Variants in PAWR observed in about 807,000 individuals in gnomAD.
PAWR encodes PRKC apoptosis WT1 regulator protein.
PAWR carries 23 observed loss-of-function variants against 32.0 expected under a neutral mutation model. That is an observed-to-expected ratio of 0.72 (90% CI 0.52 to 1.02). The LOEUF is 1.02. Ranked by LOEUF, PAWR falls within the 50% of genes least tolerant of loss-of-function variation. PAWR has a pLI of 0.00. For synonymous variants in PAWR, 226 were observed against 187.1 expected, an observed-to-expected ratio of 1.21 and a Z score of -1.70; for missense variants, 457 against 437.7, an observed-to-expected ratio of 1.04 and a Z score of -0.39.
At chr12:79,610,669 T>C (rs188809709) in intron 4 of PAWR, among the ~76,000 whole-genome samples, 1 of 151,674 alleles carries the variant, frequency 6.6e-6, no homozygotes, top group African/African-American at 2.4e-5. Context: ...CTCATGCCTC[T>C]AATCTCAGTA....
chr12:79,606,097 A>C (rs1592495636), intron 4 of PAWR, among the ~76,000 whole-genome samples: 2 of 152,042 alleles, frequency 1.3e-5, no homozygotes, highest in Admixed American at 6.6e-5. Context: ...AAACAAAAAA[A>C]CCCAAGAAAG....
At chr12:79,658,982 A>G (rs941136284) in intron 2 of PAWR, among the ~76,000 whole-genome samples, 3 of 152,034 alleles carry the variant, frequency 2.0e-5, no homozygotes, top group South Asian at 2.1e-4. Context: ...TAAAAAAAAA[A>G]AAAAAAGAAA....
chr12:79,667,235 G>C (rs931855071), intron 2 of PAWR, among the ~76,000 whole-genome samples: 9 of 152,124 alleles, frequency 5.9e-5, no homozygotes, highest in Admixed American at 1.3e-4. Flanking sequence ...GTTGACAGCT[G>C]ATCTAGGCAA....
chr12:79,659,097 A>G (rs1000607999), intron 2 of PAWR, among the ~76,000 whole-genome samples: 3 of 152,144 alleles, frequency 2.0e-5, no homozygotes, highest in African/African-American at 4.8e-5. Flanking sequence ...GGAGATCAAC[A>G]CCATCCTGGC....
intron 3 of PAWR, among the ~76,000 whole-genome samples, chr12:79,618,349 G>C (rs1050901355): frequency 1.3e-5 from 2 of 152,164 alleles, no homozygotes; most frequent in African/African-American, 4.8e-5. Flanking sequence ...GGCTAGTCTT[G>C]AACTTCTGGC....
chr12:79,632,320 T>TAC lies in PAWR; in HGVS notation c.517-11114_517-11113insGT, dbSNP rs1317110748. Among the ~76,000 whole-genome samples the TAC allele has an allele frequency of 4.3e-4, 12 of 27,850 alleles. 1 individual carries two copies. Among genetic ancestry groups the TAC allele is most frequent in the African/African-American group, 1.3e-3 (2 of 1,512 alleles). 18.3% of individuals were successfully genotyped at this position (27,850 alleles called of 152,430 possible). ...ACATATATATATACATACATATATA[T>TAC]ATATATATATATATATATATATATA... On this transcript the variant is annotated intron_variant, in intron 2 of 6. Coordinates refer to ENST00000328827, the MANE Select transcript of PAWR (RefSeq NM_002583.4).
chr12:79,689,153 T>C (rs1374798945), intron 2 of PAWR, among the ~76,000 whole-genome samples: 2 of 152,212 alleles, frequency 1.3e-5, no homozygotes, highest in Non-Finnish European at 2.9e-5. Context: ...ACTGTGTGTT[T>C]AGGAGCACAA....
At chr12:79,657,983 G>A (rs1481395977) in intron 2 of PAWR, among the ~76,000 whole-genome samples, 1 of 152,120 alleles carries the variant, frequency 6.6e-6, no homozygotes, top group Non-Finnish European at 1.5e-5. Flanking sequence ...GATCCATAAT[G>A]TCAAACAAGA....
At chr12:79,646,609 C>T (rs1876587374) in intron 2 of PAWR, among the ~76,000 whole-genome samples, 1 of 152,012 alleles carries the variant, frequency 6.6e-6, no homozygotes, top group Admixed American at 6.5e-5. Context: ...CCATATCTCA[C>T]TATCAAAGAA....
chr12:79,598,547 T>C (rs1873845362), intron 4 of PAWR, among the ~76,000 whole-genome samples: 2 of 152,218 alleles, frequency 1.3e-5, no homozygotes, highest in Non-Finnish European at 2.9e-5. Flanking sequence ...AAGTGACTTC[T>C]CGTTTTAAAA....
intron 4 of PAWR, among the ~76,000 whole-genome samples, chr12:79,600,527 C>T (rs1278932583): frequency 6.6e-6 from 1 of 151,728 alleles, no homozygotes; most frequent in African/African-American, 2.4e-5. Context: ...GGCTGATGTA[C>T]AGAGGTGCCA....
At chr12:79,682,920 C>G (rs1316013000) in intron 2 of PAWR, among the ~76,000 whole-genome samples, 2 of 152,134 alleles carry the variant, frequency 1.3e-5, no homozygotes, top group African/African-American at 4.8e-5. Flanking sequence ...ATGGCAAACA[C>G]AATGCTTTAA....
chr12:79,673,315 C>T (rs998375796), intron 2 of PAWR, among the ~76,000 whole-genome samples: 5 of 152,114 alleles, frequency 3.3e-5, no homozygotes, highest in African/African-American at 4.8e-5. Flanking sequence ...GTGATCTGCC[C>T]GCCTCAGCCT....
intron 4 of PAWR, among the ~76,000 whole-genome samples, chr12:79,603,176 G>A (rs1874028551): frequency 6.6e-6 from 1 of 151,972 alleles, no homozygotes; most frequent in Non-Finnish European, 1.5e-5. Flanking sequence ...GATTGCTTGA[G>A]CCCAAGAGGT....
intron 2 of PAWR, among the ~76,000 whole-genome samples, chr12:79,645,415 G>C (rs1306611331): frequency 6.6e-6 from 1 of 152,150 alleles, no homozygotes. Flanking sequence ...AAACTGAAAT[G>C]ACACTGGAAC....
chr12:79,658,791 G>A (rs1877210498), intron 2 of PAWR, among the ~76,000 whole-genome samples: 1 of 151,730 alleles, frequency 6.6e-6, no homozygotes, highest in African/African-American at 2.4e-5. Flanking sequence ...AGCCTCTTGG[G>A]TAGCTGGGAT....
intron 3 of PAWR, among the ~76,000 whole-genome samples, chr12:79,616,720 GT>G (rs138472773): frequency 0.011 from 1,659 of 148,676 alleles, 39 homozygotes; most frequent in African/African-American, 0.038. Flanking sequence ...AGTTGTTTGG[GT>G]TTTTTTTTTA....
intron 2 of PAWR, among the ~76,000 whole-genome samples, chr12:79,655,905 A>G (rs990351765): frequency 2.6e-5 from 4 of 152,252 alleles, no homozygotes; most frequent in African/African-American, 9.6e-5. Context: ...AAAGAGACAA[A>G]TAAGCAATTA....
At chr12:79,601,501 G>A (rs1873960880) in intron 4 of PAWR, among the ~76,000 whole-genome samples, 1 of 151,872 alleles carries the variant, frequency 6.6e-6, no homozygotes, top group Non-Finnish European at 1.5e-5. Context: ...TACCACGCCT[G>A]GCCCTGAAAG....
Sources: gnomAD v4.1 joint callset for allele counts (sites outside exome capture counted in the v4.1 genomes callset) on GRCh38, gnomAD v4.1.1 for gene constraint, MANE v1.5 for transcripts, NCBI Gene and HGNC (gene_info 2026-07-23, HGNC 2026-07-21) for gene names.